Variants in PRDM5 observed in about 807,000 individuals in gnomAD.
PRDM5 encodes the protein PR domain zinc finger protein 5.
A neutral mutation model predicts 81.2 loss-of-function variants in PRDM5; 56 were observed. The observed-to-expected ratio is 0.69, with a 90% confidence interval of 0.56 to 0.86. The LOEUF (loss-of-function observed/expected upper bound fraction) is 0.86. Ranked by LOEUF, PRDM5 falls within the 40% of genes least tolerant of loss-of-function variation. The pLI, the probability that PRDM5 is intolerant of heterozygous loss-of-function variation, is 0.00. For synonymous variants in PRDM5, 267 were observed against 256.4 expected (o/e 1.04, Z -0.39); for missense variants, 697 against 770.1 (o/e 0.91, Z 1.12).
At chr4:120,878,011 T>C (rs1190515029) in intron 2 of PRDM5, among the ~76,000 whole-genome samples, 1 of 152,158 alleles carries the variant, frequency 6.6e-6, no homozygotes, top group African/African-American at 2.4e-5. Flanking sequence ...GTCAGTGAAA[T>C]CACTCAGATA....
rs1414331145 is a variant in PRDM5 at position 120,811,378 on chromosome 4, G to T, written c.937C>A (p.His313Asn). 1 of 1,591,234 alleles carries T rather than the reference G, an allele frequency of 6.3e-7. No individual in the cohort carries two copies. ...ATTTTTATCTTACTGACCTTTCTATGTTCCTGTAGGCTTGATGCTGAAGAA... is the reference window on the plus strand; with the variant it reads ...ATTTTTATCTTACTGACCTTTCTATTTTCCTGTAGGCTTGATGCTGAAGAA... ...KCSSASSLQE[H>N]RKIHEIFDCQ... is the part of the protein sequence containing the mutation. Residue 313 changes from histidine to asparagine, a missense_variant, in exon 8 of 16, where the codon CAT becomes AAT. Coordinates refer to ENST00000264808, the MANE Select transcript of PRDM5 (RefSeq NM_018699.4).
chr4:120,824,001 CAT>C (rs375175548), intron 3 of PRDM5, among the ~76,000 whole-genome samples: 8 of 152,174 alleles, frequency 5.3e-5, no homozygotes, highest in African/African-American at 9.7e-5. Context: ...GACCACTACA[CAT>C]GTTTGTTTCA....
chr4:120,879,536 C>G (rs538496373), intron 2 of PRDM5, among the ~76,000 whole-genome samples: 1 of 152,096 alleles, frequency 6.6e-6, no homozygotes, highest in Admixed American at 6.6e-5. Flanking sequence ...TCCACTTGCA[C>G]GTATTAGATA....
At chr4:120,766,322 C>A (rs1013554448) in intron 13 of PRDM5, among the ~76,000 whole-genome samples, 1 of 152,156 alleles carries the variant, frequency 6.6e-6, no homozygotes, top group Non-Finnish European at 1.5e-5. Context: ...TTAGCCAACT[C>A]ATTAATGTTC....
intron 3 of PRDM5, among the ~76,000 whole-genome samples, chr4:120,839,698 G>T (rs893720503): frequency 1.3e-5 from 2 of 152,158 alleles, no homozygotes; most frequent in Non-Finnish European, 2.9e-5. Flanking sequence ...TGAAGGTGGG[G>T]CCTCACCGGG....
intron 13 of PRDM5, among the ~76,000 whole-genome samples, chr4:120,759,858 A>T (rs1312948346): frequency 6.6e-6 from 1 of 152,248 alleles, no homozygotes; most frequent in South Asian, 2.1e-4. Flanking sequence ...ATTAGCCAAA[A>T]AAGTAGCTAA....
rs546901987 is a variant in PRDM5, at chr4:120,798,307, T to A, written c.1148A>T (p.Lys383Met). The change falls in exon 10 of 16, where the codon AAG becomes ATG. Residue 383 changes from lysine to methionine, a missense_variant. Transcript: ENST00000264808. ...GTAAACATTTCTGTGGGCAAATCCC[T>A]TTCCACAAAGTTTGCATTTGTAAGG... ...DKPYKCKLCG[K>M]GFAHRNVYKN... 2.5e-6 allele frequency: 4 copies of A among 1,610,694 alleles called. No homozygotes were observed. The African/African-American group carries it at 5.3e-5, about 21-fold the overall frequency.
intron 15 of PRDM5, among the ~76,000 whole-genome samples, chr4:120,709,445 A>G (rs1243050478): frequency 2.0e-5 from 3 of 152,198 alleles, no homozygotes; most frequent in Non-Finnish European, 4.4e-5. Flanking sequence ...TTGTTGTCTT[A>G]ACCTTACCAC....
At chr4:120,877,773 C>G (rs1762465077) in intron 2 of PRDM5, among the ~76,000 whole-genome samples, 1 of 152,146 alleles carries the variant, frequency 6.6e-6, no homozygotes, top group South Asian at 2.1e-4. Flanking sequence ...CCACTGCATT[C>G]CAGCCTGGGT....
At chr4:120,767,027 T>C (rs988755156) in intron 13 of PRDM5, among the ~76,000 whole-genome samples, 1 of 152,114 alleles carries the variant, frequency 6.6e-6, no homozygotes, top group Non-Finnish European at 1.5e-5. Context: ...AGAAGGAGGA[T>C]GCAGAGCGGA....
intron 14 of PRDM5, among the ~76,000 whole-genome samples, chr4:120,744,938 A>G (rs1352536571): frequency 1.5e-5 from 2 of 131,944 alleles, no homozygotes; most frequent in Admixed American, 8.0e-5. Flanking sequence ...TTATAAGGCC[A>G]GCATCATTCT....
At chr4:120,801,278 C>T (rs898902628) in intron 8 of PRDM5, among the ~76,000 whole-genome samples, 6 of 152,224 alleles carry the variant, frequency 3.9e-5, no homozygotes, top group Non-Finnish European at 7.3e-5. Context: ...TGAACTGGTA[C>T]AGCACATGAG....
At chr4:120,715,740 C>A (rs1425862040) in intron 14 of PRDM5, among the ~76,000 whole-genome samples, 3 of 152,010 alleles carry the variant, frequency 2.0e-5, no homozygotes, top group Non-Finnish European at 4.4e-5. Context: ...CTTGTAAGAC[C>A]AGAAGTTGTG....
chr4:120,801,503 A>G (rs576185739), intron 8 of PRDM5, among the ~76,000 whole-genome samples: 4 of 152,348 alleles, frequency 2.6e-5, no homozygotes, highest in Admixed American at 2.6e-4. Context: ...GAGTCATTAA[A>G]TTCAGTTATG....
chr4:120,878,460 A>T (rs959728219), intron 2 of PRDM5, among the ~76,000 whole-genome samples: 5 of 152,204 alleles, frequency 3.3e-5, no homozygotes, highest in African/African-American at 1.2e-4. Context: ...AAACTAAAAA[A>T]TTCCTGGAAA....
At chr4:120,720,543 C>G (rs1738459327) in intron 14 of PRDM5, among the ~76,000 whole-genome samples, 1 of 152,186 alleles carries the variant, frequency 6.6e-6, no homozygotes, top group Admixed American at 6.5e-5. Context: ...CACAGTACGG[C>G]ATGCCATATA....
chr4:120,783,551 G>C (rs556852703), intron 11 of PRDM5, among the ~76,000 whole-genome samples: 1 of 152,072 alleles, frequency 6.6e-6, no homozygotes, highest in African/African-American at 2.4e-5. Flanking sequence ...GTCAAATTTA[G>C]CCATATTTCA....
At chr4:120,826,434 G>A (rs959658411) in intron 3 of PRDM5, among the ~76,000 whole-genome samples, 2 of 152,040 alleles carry the variant, frequency 1.3e-5, no homozygotes, top group Non-Finnish European at 2.9e-5. Flanking sequence ...CTTCAATTGG[G>A]CACATCATTT....
chr4:120,768,111 T>C (rs1301409795), intron 13 of PRDM5, among the ~76,000 whole-genome samples: 1 of 152,124 alleles, frequency 6.6e-6, no homozygotes, highest in Non-Finnish European at 1.5e-5. Flanking sequence ...AATAAAAACA[T>C]CATTTGGCTC....
Sources: allele counts gnomAD v4.1 joint callset (sites outside exome capture counted in the v4.1 genomes callset), GRCh38; gene constraint gnomAD v4.1.1; transcripts MANE v1.5; gene names NCBI Gene and HGNC (gene_info 2026-07-23, HGNC 2026-07-21).